Variants in NKAIN3 observed in about 807,000 individuals in gnomAD.
NKAIN3 encodes sodium/potassium transporting ATPase interacting 3.
A neutral mutation model predicts 30.2 loss-of-function variants in NKAIN3; 25 were observed. That is an observed-to-expected ratio of 0.83 (90% confidence interval 0.60 to 1.16). The LOEUF is 1.16. Ranked by LOEUF, NKAIN3 falls within the 50% of genes most tolerant of loss-of-function variation. The probability of loss-of-function intolerance (pLI) is 0.00; values close to 1 mark genes in which losing one functional copy is unlikely to be tolerated. For missense variants in NKAIN3, 225 were observed against 254.1 expected, an observed-to-expected ratio of 0.89 and a Z score of 0.78; for synonymous variants, 91 against 89.6, an observed-to-expected ratio of 1.02 and a Z score of -0.09.
chr8:62,418,858 G>T (rs1804541991), intron 1 of NKAIN3, among the ~76,000 whole-genome samples: 1 of 152,166 alleles, frequency 6.6e-6, no homozygotes, highest in South Asian at 2.1e-4. Flanking sequence ...TTTGCTCATA[G>T]ATCCGCTGGC....
intron 4 of NKAIN3, among the ~76,000 whole-genome samples, chr8:62,833,910 G>A (rs1819276442): frequency 6.6e-6 from 1 of 151,894 alleles, no homozygotes; most frequent in Non-Finnish European, 1.5e-5. Context: ...GAAGAACATA[G>A]ACAGAAAAAT....
intron 1 of NKAIN3, among the ~76,000 whole-genome samples, chr8:62,358,685 A>G (rs373037522): frequency 3.2e-4 from 49 of 152,312 alleles, no homozygotes; most frequent in African/African-American, 1.2e-3. Flanking sequence ...TGTGTGGCTG[A>G]AGAATCGTGC....
At chr8:62,711,599 T>C (rs1011125596) in intron 3 of NKAIN3, among the ~76,000 whole-genome samples, 2 of 152,226 alleles carry the variant, frequency 1.3e-5, no homozygotes, top group African/African-American at 4.8e-5. Context: ...TTATTGTTTT[T>C]TTCTTTAAGC....
intron 1 of NKAIN3, among the ~76,000 whole-genome samples, chr8:62,488,201 C>G (rs994164082): frequency 6.6e-6 from 1 of 152,008 alleles, no homozygotes; most frequent in Non-Finnish European, 1.5e-5. Flanking sequence ...CCAAAGACAC[C>G]ACCTCCTTCC....
At chr8:62,960,736 C>CACACACAG (rs1823548579) in intron 6 of NKAIN3, among the ~76,000 whole-genome samples, 1 of 17,680 alleles carries the variant, frequency 5.7e-5, no homozygotes, top group Admixed American at 5.3e-4. Flanking sequence ...AGGAAAAAAG[C>CACACACAG]ACACACACAC....
At chr8:62,408,546 A>G (rs1163553290) in intron 1 of NKAIN3, among the ~76,000 whole-genome samples, 1 of 152,222 alleles carries the variant, frequency 6.6e-6, no homozygotes, top group Admixed American at 6.5e-5. Flanking sequence ...CATTTAGCAG[A>G]GATCTTTAAA....
chr8:62,618,989 G>A (rs1441459130), intron 3 of NKAIN3, among the ~76,000 whole-genome samples: 2 of 152,138 alleles, frequency 1.3e-5, no homozygotes, highest in African/African-American at 4.8e-5. Context: ...ACCTACAATT[G>A]TTTCCACCAT....
rs182973817 is a variant in NKAIN3, at chr8:62,656,611, A to G, written c.273+66817A>G. ...TTATAGATGGTCTTTATATTTAAAA[A>G]TCACATTTTCCAAAAACATACATTA... On this transcript the variant is annotated intron_variant, in intron 3 of 6. Coordinates refer to ENST00000623646, the MANE Select transcript of NKAIN3 (RefSeq NM_001304533.3). 3.4e-3 allele frequency among the ~76,000 whole-genome samples: 511 copies of G among 152,248 alleles called. 5 individuals are homozygous for G. Among genetic ancestry groups the G allele is most frequent in the African/African-American group, 0.012 (484 of 41,556 alleles).
chr8:62,315,289 G>A (rs971350036), intron 1 of NKAIN3, among the ~76,000 whole-genome samples: 1 of 152,156 alleles, frequency 6.6e-6, no homozygotes, highest in Non-Finnish European at 1.5e-5. Flanking sequence ...AAATTGTAGT[G>A]TAAACATAAT....
intron 4 of NKAIN3, among the ~76,000 whole-genome samples, chr8:62,799,552 T>C (rs766113875): frequency 1.4e-4 from 21 of 152,242 alleles, no homozygotes; most frequent in Admixed American, 6.5e-4. Flanking sequence ...ATAGTAAATG[T>C]TGATGTGGAT....
At chr8:62,532,640 C>T (rs1808523712) in intron 1 of NKAIN3, among the ~76,000 whole-genome samples, 1 of 152,154 alleles carries the variant, frequency 6.6e-6, no homozygotes, top group African/African-American at 2.4e-5. Context: ...CCGTATTGAG[C>T]ACATTTTTAT....
chr8:62,591,166 G>A (rs1377717512), intron 3 of NKAIN3, among the ~76,000 whole-genome samples: 2 of 151,614 alleles, frequency 1.3e-5, no homozygotes, highest in African/African-American at 2.4e-5. Flanking sequence ...TATTTCACTG[G>A]GTAGAAATTA....
At position 62,755,526 on chromosome 8, in the gene NKAIN3, A is replaced by G. The variant is rs986554389; in HGVS notation, c.471+8397A>G. Among the ~76,000 whole-genome samples, 4 of 152,290 alleles carry G rather than the reference A, an allele frequency of 2.6e-5. No individual in the cohort carries two copies. In the Middle Eastern group the frequency reaches 0.01, roughly 388 times the overall value. On this transcript the variant is annotated intron_variant, in intron 4 of 6. Coordinates refer to ENST00000623646, the MANE Select transcript of NKAIN3 (RefSeq NM_001304533.3). ...TTTCAACATTTGTCAAATGCTAAAT[A>G]TATTGGACTCTTTTTTTTTCTCTTT...
rs927695484 is a variant in NKAIN3, at chr8:62,973,016, G to A, written c.*7609G>A. On this transcript the variant is annotated 3_prime_UTR_variant, in exon 7 of 7. Coordinates refer to ENST00000623646, the MANE Select transcript of NKAIN3 (RefSeq NM_001304533.3). ...AAAGGACATTAACTCATTTTTTATG[G>A]CTGCATAGTATTCCATGGTGTATAT... 6.6e-6 allele frequency among the ~76,000 whole-genome samples: 1 copy of A among 151,990 alleles called. No homozygotes were observed. The highest frequency in any genetic ancestry group is 1.5e-5 in the Non-Finnish European group (1 of 67,988).
At chr8:62,307,415 CT>C (rs1814283455) in intron 1 of NKAIN3, among the ~76,000 whole-genome samples, 1 of 149,808 alleles carries the variant, frequency 6.7e-6, no homozygotes, top group Non-Finnish European at 1.5e-5. Context: ...TCTCTCTGCC[CT>C]TTTATATATT....
intron 1 of NKAIN3, among the ~76,000 whole-genome samples, chr8:62,573,537 C>G (rs1810012435): frequency 6.6e-6 from 1 of 151,970 alleles, no homozygotes; most frequent in Non-Finnish European, 1.5e-5. Flanking sequence ...TTCCTGCCTT[C>G]TTTTCTTCCT....
chr8:62,970,610 A>T lies in NKAIN3; in HGVS notation c.*5203A>T, dbSNP rs11991160. ...TAAGTAAAAAGAAGAAAAGAATAGAAGGTAGAAAGGAAGGGAGAGGAAAAT... is the reference window on the plus strand; with the variant it reads ...TAAGTAAAAAGAAGAAAAGAATAGATGGTAGAAAGGAAGGGAGAGGAAAAT... On this transcript the variant is annotated 3_prime_UTR_variant, in exon 7 of 7. Coordinates refer to ENST00000623646, the MANE Select transcript of NKAIN3 (RefSeq NM_001304533.3). 2.0e-5 allele frequency among the ~76,000 whole-genome samples: 3 copies of T among 152,160 alleles called. No individual in the cohort carries two copies. The highest frequency in any genetic ancestry group is 4.1e-4 in the South Asian group (2 of 4,828).
intron 3 of NKAIN3, among the ~76,000 whole-genome samples, chr8:62,712,856 A>T (rs912932578): frequency 2.0e-5 from 3 of 152,170 alleles, no homozygotes; most frequent in Non-Finnish European, 4.4e-5. Context: ...CTGTGGTGCC[A>T]GGCAGGAATG....
intron 5 of NKAIN3, among the ~76,000 whole-genome samples, chr8:62,921,426 A>G (rs1030734163): frequency 5.3e-5 from 8 of 152,194 alleles, no homozygotes; most frequent in African/African-American, 1.9e-4. Context: ...TCTCCTCTGC[A>G]CTGTTAAAGT....
Sources: allele counts gnomAD v4.1 joint callset (sites outside exome capture counted in the v4.1 genomes callset), GRCh38; gene constraint gnomAD v4.1.1; transcripts MANE v1.5; gene names NCBI Gene and HGNC (gene_info 2026-07-23, HGNC 2026-07-21).